The following ENOX2 variants were observed in gnomAD, a reference collection of about 807,000 sequenced individuals.
ENOX2 encodes APK1 antigen.
Under a neutral mutation model 45.0 loss-of-function variants are expected in ENOX2, and 36 were observed. The ratio of observed to expected loss-of-function variants is 0.80; its 90% CI spans 0.61 to 1.06. ENOX2 has a LOEUF of 1.06. Ranked by LOEUF, ENOX2 falls within the 50% of genes least tolerant of loss-of-function variation. The pLI is 0.00. For synonymous variants in ENOX2, 174 were observed against 152.3 expected (o/e 1.14, Z -1.05); for missense variants, 423 against 462.5 (o/e 0.91, Z 0.78).
chrX:130,844,327 G>A (rs1404890740), intron 2 of ENOX2, among the ~76,000 whole-genome samples: 1 of 111,560 alleles, frequency 9.0e-6, no homozygotes, highest in African/African-American at 3.3e-5. Flanking sequence ...TGATGATCTG[G>A]TTGAGGCATT....
At chrX:130,897,834 G>A (rs1169188835) in intron 2 of ENOX2, among the ~76,000 whole-genome samples, 2 of 111,445 alleles carry the variant, frequency 1.8e-5, no homozygotes, top group Admixed American at 1.9e-4. Context: ...AGACCAGATG[G>A]TTTTAGATTT....
rs770034487 is a variant in ENOX2 at position 130,783,559 on chromosome X, T to A, written c.-51A>T. Reference sequence around the variant, plus strand: ...TCACCTAGCTTACCTGAAGGAGTATTTGTTCTCTTTCTTTTCTTGCTTGAT... The same window carrying A: ...TCACCTAGCTTACCTGAAGGAGTATATGTTCTCTTTCTTTTCTTGCTTGAT... On this transcript the variant is annotated 5_prime_UTR_variant, in exon 3 of 15. Coordinates refer to ENST00000394363, the MANE Select transcript of ENOX2 (RefSeq NM_006375.4). 4 of 328,375 alleles carry A rather than the reference T, an allele frequency of 1.2e-5. No homozygotes were observed. Among genetic ancestry groups the A allele is most frequent in the Non-Finnish European group, 2.4e-5 (4 of 169,427 alleles). 27.1% of individuals were successfully genotyped at this position (328,375 alleles called of 1,213,427 possible).
At chrX:130,786,886 C>T (rs1172842560) in intron 2 of ENOX2, among the ~76,000 whole-genome samples, 1 of 85,858 alleles carries the variant, frequency 1.2e-5, no homozygotes, top group African/African-American at 4.4e-5. Context: ...GTCTTTATAG[C>T]AGCAAGATTT....
At chrX:130,646,068 T>A in intron 10 of ENOX2, 1 of 551,765 alleles carries the variant, frequency 1.8e-6, no homozygotes, top group Non-Finnish European at 3.3e-6. Context: ...GCAGTACTGC[T>A]GCGATGGCTG....
chrX:130,845,861 G>A (rs970355619), intron 2 of ENOX2, among the ~76,000 whole-genome samples: 6 of 112,080 alleles, frequency 5.4e-5, no homozygotes, highest in African/African-American at 1.9e-4. Flanking sequence ...CATGTAAAAG[G>A]TTAAGAAGCA....
rs746877637 is a variant in ENOX2, at chrX:130,644,385, T to G, written c.1130-6975A>C. On this transcript the variant is annotated intron_variant, in intron 10 of 14. Coordinates refer to ENST00000394363, the MANE Select transcript of ENOX2 (RefSeq NM_006375.4). ...CCATACCATCCAGCAATCATGCTCC[T>G]TAGCATTTATCCAAATGAACTAAAA... 2.8e-4 allele frequency among the ~76,000 whole-genome samples: 31 copies of G among 112,126 alleles called. No individual in the cohort carries two copies. In the South Asian group the frequency reaches 0.011, roughly 40 times the overall value.
At chrX:130,727,537 G>A (rs1264553147) in intron 3 of ENOX2, among the ~76,000 whole-genome samples, 1 of 112,438 alleles carries the variant, frequency 8.9e-6, no homozygotes, top group African/African-American at 3.2e-5. Context: ...CAAAGCCCAT[G>A]CTCTTAACCA....
At chrX:130,781,850 C>T (rs907389980) in intron 3 of ENOX2, among the ~76,000 whole-genome samples, 2 of 110,502 alleles carry the variant, frequency 1.8e-5, no homozygotes, top group Admixed American at 1.9e-4. Flanking sequence ...CATGAAGGGA[C>T]GATGAGAGGA....
intron 6 of ENOX2, among the ~76,000 whole-genome samples, chrX:130,673,835 A>G (rs760618038): frequency 1.8e-5 from 2 of 112,042 alleles, no homozygotes; most frequent in Non-Finnish European, 3.8e-5. Context: ...CTCAGAGAAC[A>G]CCTGGAAGAT....
At chrX:130,637,500 T>C (rs780551937) in intron 10 of ENOX2, 90 bp from the exon 11 acceptor site, 2 of 771,064 alleles carry the variant, frequency 2.6e-6, no homozygotes, top group Non-Finnish European at 3.7e-6. Flanking sequence ...TTCCTCTTGA[T>C]GAAGAACTTC....
intron 2 of ENOX2, among the ~76,000 whole-genome samples, chrX:130,882,988 A>C (rs1435043003): frequency 8.9e-6 from 1 of 112,611 alleles, no homozygotes; most frequent in Admixed American, 9.3e-5. Flanking sequence ...GAAAATGGAA[A>C]TACTACTGTC....
intron 3 of ENOX2, among the ~76,000 whole-genome samples, chrX:130,760,855 GT>G (rs374625292): frequency 0.036 from 3,171 of 87,633 alleles, 75 homozygotes; most frequent in African/African-American, 0.076. Flanking sequence ...TTTCTGAGAG[GT>G]TTTTTTTTTT....
chrX:130,834,934 A>G (rs2077904018), intron 2 of ENOX2, among the ~76,000 whole-genome samples: 1 of 111,855 alleles, frequency 8.9e-6, no homozygotes, highest in Non-Finnish European at 1.9e-5. Flanking sequence ...CTTATAATGA[A>G]AGTGTCTCCT....
chrX:130,826,380 A>G (rs909487940), intron 2 of ENOX2, among the ~76,000 whole-genome samples: 1 of 111,818 alleles, frequency 8.9e-6, no homozygotes, highest in Non-Finnish European at 1.9e-5. Flanking sequence ...GTCGTTCACC[A>G]TATGTATTGT....
At chrX:130,676,270 G>GA (rs2037147887) in intron 6 of ENOX2, among the ~76,000 whole-genome samples, 1 of 110,144 alleles carries the variant, frequency 9.1e-6, no homozygotes, top group Admixed American at 9.5e-5. Flanking sequence ...AATTCCATCA[G>GA]AAAAAAAATG....
chrX:130,691,742 G>A (rs2037603274), intron 4 of ENOX2, among the ~76,000 whole-genome samples: 1 of 111,687 alleles, frequency 9.0e-6, no homozygotes, highest in East Asian at 2.8e-4. Flanking sequence ...CTTGTTATTC[G>A]TATAGCTCTG....
chrX:130,650,355 T>C (rs1182267024), intron 10 of ENOX2, among the ~76,000 whole-genome samples: 1 of 111,826 alleles, frequency 8.9e-6, no homozygotes, highest in Non-Finnish European at 1.9e-5. Flanking sequence ...TCTTCTCAGT[T>C]TGGACCTGTC....
rs1027967817 is a variant in ENOX2, at chrX:130,632,603, G to C, written c.1420-1027C>G. Among the ~76,000 whole-genome samples, 18 of 111,821 alleles carry C rather than the reference G, an allele frequency of 1.6e-4. No individual in the cohort carries two copies. The Admixed American group carries it at 1.7e-3, about 11-fold the overall frequency. ...AATGCTCCTTGGGGGGCAGATCATG[G>C]CTGACTCAGATGCATTTTCACTTCT... On this transcript the variant is annotated intron_variant, in intron 12 of 14. Transcript: ENST00000394363.
intron 2 of ENOX2, among the ~76,000 whole-genome samples, chrX:130,844,663 T>C (rs1297604601): frequency 8.9e-6 from 1 of 112,196 alleles, no homozygotes; most frequent in East Asian, 2.8e-4. Flanking sequence ...CGCAGTAACT[T>C]GACACAGTTT....
Sources: gnomAD v4.1 joint callset for allele counts (sites outside exome capture counted in the v4.1 genomes callset) on GRCh38, gnomAD v4.1.1 for gene constraint, MANE v1.5 for transcripts, NCBI Gene and HGNC (gene_info 2026-07-23, HGNC 2026-07-21) for gene names.